Variants in ZNF682 observed in about 807,000 individuals in gnomAD.
The protein encoded by ZNF682 is zinc finger protein 682.
In ZNF682, 29 loss-of-function variants were observed where a neutral mutation model predicts 36.5. The observed-to-expected ratio is 0.80, with a 90% confidence interval of 0.59 to 1.08. The LOEUF (loss-of-function observed/expected upper bound fraction) is 1.08. ZNF682 is among the 50% of genes least tolerant of loss of function. The pLI is 0.00. For synonymous variants in ZNF682, 180 were observed against 197.0 expected, an observed-to-expected ratio of 0.91 and a Z score of 0.72; for missense variants, 561 against 579.7, an observed-to-expected ratio of 0.97 and a Z score of 0.33.
In ZNF682 at chr19:20,039,450, G is replaced by A; in HGVS notation, c.-105C>T. On this transcript the variant is annotated 5_prime_UTR_variant, in exon 1 of 4. Coordinates refer to ENST00000397165, the MANE Select transcript of ZNF682 (RefSeq NM_033196.3). ...ACAGTCACCGGGAACTACTAGAGCA[G>A]AGGATACTAAGCAATGAAGATGGAC... is the stretch of plus-strand genomic sequence containing the variant. The A allele has an allele frequency of 6.7e-7, 1 of 1,493,376 alleles. No homozygotes were observed. Among genetic ancestry groups the A allele is most frequent in the African/African-American group, 1.4e-5 (1 of 72,854 alleles). 92.5% of individuals were successfully genotyped at this position (1,493,376 alleles called of 1,614,324 possible). A position where few individuals can be genotyped will look rare whatever the true frequency, so the allele number is the denominator to read the frequency against.
chr19:20,028,436 T>C (rs1156256163), intron 1 of ZNF682, among the ~76,000 whole-genome samples: 1 of 152,154 alleles, frequency 6.6e-6, no homozygotes, highest in Admixed American at 6.5e-5. Flanking sequence ...GGTCTTGAAC[T>C]CCTGACCTCA....
At chr19:20,031,800 G>A (rs895928002) in intron 1 of ZNF682, among the ~76,000 whole-genome samples, 2 of 152,114 alleles carry the variant, frequency 1.3e-5, no homozygotes, top group Non-Finnish European at 2.9e-5. Context: ...AAATTAGCCA[G>A]GCGAGGTGGC....
intron 3 of ZNF682, among the ~76,000 whole-genome samples, chr19:20,020,914 G>A (rs1231857606): frequency 1.3e-5 from 2 of 151,924 alleles, no homozygotes; most frequent in African/African-American, 2.4e-5. Flanking sequence ...TCGAAGTGGG[G>A]AAAATGGGAA....
intron 3 of ZNF682, among the ~76,000 whole-genome samples, chr19:20,010,916 G>A (rs920823406): frequency 6.6e-6 from 1 of 151,930 alleles, no homozygotes; most frequent in African/African-American, 2.4e-5. Flanking sequence ...AGTAAGCCGA[G>A]ATCGTGCCAC....
downstream of ZNF682, among the ~76,000 whole-genome samples, chr19:19,999,940 C>T (rs1474658583): frequency 6.6e-6 from 1 of 152,162 alleles, no homozygotes; most frequent in African/African-American, 2.4e-5. Flanking sequence ...TGGGGAAGCC[C>T]GAAAATAGAC....
At chr19:20,034,894 C>T (rs929994935) in intron 1 of ZNF682, among the ~76,000 whole-genome samples, 1 of 152,106 alleles carries the variant, frequency 6.6e-6, no homozygotes, top group African/African-American at 2.4e-5. Flanking sequence ...GTCCAAAGTT[C>T]GAGACCAGCC....
chr19:20,022,864 C>T (rs2088398101), intron 3 of ZNF682, 140 bp downstream of exon 3: 1 of 740,498 alleles, frequency 1.4e-6, no homozygotes, highest in East Asian at 2.5e-5. Context: ...TGCCTCTGTA[C>T]AAGAGCAAGA....
At chr19:20,010,721 C>T (rs901047474) in intron 3 of ZNF682, among the ~76,000 whole-genome samples, 2 of 152,012 alleles carry the variant, frequency 1.3e-5, no homozygotes, top group Admixed American at 1.3e-4. Context: ...AATCCTAGCA[C>T]TTTGGGAGAC....
At chr19:20,039,119 G>A (rs1343269764) in intron 1 of ZNF682, 3 of 1,390,240 alleles carry the variant, frequency 2.2e-6, no homozygotes, top group Non-Finnish European at 2.8e-6. Context: ...GCTCCGGGCG[G>A]GAAGCGGGAG....
chr19:20,031,426 C>A (rs959088955), intron 1 of ZNF682, among the ~76,000 whole-genome samples: 1 of 152,192 alleles, frequency 6.6e-6, no homozygotes, highest in South Asian at 2.1e-4. Context: ...AAGGGTGGGG[C>A]TCTAAAATGT....
At chr19:20,019,873 A>C (rs1568542658) in intron 3 of ZNF682, among the ~76,000 whole-genome samples, 1 of 152,114 alleles carries the variant, frequency 6.6e-6, no homozygotes, top group African/African-American at 2.4e-5. Flanking sequence ...CATGCAATCT[A>C]TCTGTGTAAC....
Position 20,007,113 on chromosome 19 carries a change from T to C in ZNF682, c.389A>G (p.Tyr130Cys). ...TGACAAACATTGGTTAAGTCCATTA[T>C]AAATTTCTTTTTGATCCTTACACTC... is the stretch of plus-strand genomic sequence containing the variant. Reference protein sequence around the residue: ...VGECKDQKEIYNGLNQCLSTL... With the variant: ...VGECKDQKEICNGLNQCLSTL... Residue 130 changes from tyrosine to cysteine, a missense_variant, in exon 4 of 4, where the codon TAT (tyrosine) becomes TGT (cysteine). Transcript: ENST00000397165. 1.2e-6 allele frequency: 2 copies of C among 1,613,598 alleles called. No individual in the cohort carries two copies. The highest frequency in any genetic ancestry group is 1.7e-6 in the Non-Finnish European group (2 of 1,180,012).
rs71172554 is a variant in ZNF682 at position 20,018,078 on chromosome 19, C to CTT, written c.226+4924_226+4925dup. Among the ~76,000 whole-genome samples the CTT allele has an allele frequency of 4.8e-3, 280 of 58,688 alleles. 36 individuals are homozygous for CTT. Among genetic ancestry groups the CTT allele is most frequent in the East Asian group, 0.011 (18 of 1,598 alleles). The allele number at this position is 58,688 out of a possible 152,430, so 38.5% of individuals were successfully genotyped here. A position where few individuals can be genotyped will look rare whatever the true frequency, so the allele number is the denominator to read the frequency against. On this transcript the variant is annotated intron_variant, in intron 3 of 3. Coordinates refer to ENST00000397165, the MANE Select transcript of ZNF682 (RefSeq NM_033196.3). ...GAAATATAGTTAAGATTCTCAAATT[C>CTT]TTTTTTTTTTTTTTTTTTTTTTTTT...
intron 3 of ZNF682, among the ~76,000 whole-genome samples, chr19:20,017,244 A>T (rs1192671294): frequency 6.6e-6 from 1 of 152,214 alleles, no homozygotes; most frequent in East Asian, 1.9e-4. Context: ...AAATATGAAC[A>T]GATTGAACCC....
At chr19:20,028,213 G>GGTTTGTTT (rs61022181) in intron 1 of ZNF682, among the ~76,000 whole-genome samples, 1,831 of 151,498 alleles carry the variant, frequency 0.012, 18 homozygotes, top group South Asian at 0.033. Context: ...TGATTCTGCA[G>GGTTTGTTT]GTTTGTTTGT....
Position 20,006,650 on chromosome 19 carries a change from G to A in ZNF682, c.852C>T (p.Pro284=), listed in dbSNP as rs371152996. Residue 284 remains proline, a synonymous_variant, in exon 4 of 4, where the codon CCC becomes CCT. Coordinates refer to ENST00000397165, the MANE Select transcript of ZNF682 (RefSeq NM_033196.3). ...CTCTGCCACAGTCTTCACATGTATA[G>A]GGTTTTTCTCCTGTATGAATTTTCT... ...RHKKIHTGEK[P]YTCEDCGRAF... The A allele has an allele frequency of 2.2e-5, 36 of 1,613,922 alleles. No individual in the cohort carries two copies. In the African/African-American group the frequency reaches 4.8e-4, roughly 22 times the overall value.
intron 1 of ZNF682, among the ~76,000 whole-genome samples, chr19:20,028,539 G>A (rs1393696055): frequency 6.6e-6 from 1 of 152,142 alleles, no homozygotes; most frequent in East Asian, 1.9e-4. Context: ...AGGAGTCCAC[G>A]GATTGGCTTC....
chr19:20,001,977 G>A (rs946400993), downstream of ZNF682, among the ~76,000 whole-genome samples: 1 of 152,150 alleles, frequency 6.6e-6, no homozygotes, highest in African/African-American at 2.4e-5. Flanking sequence ...CATGGGGTCA[G>A]TACAAAAAAG....
Position 20,014,586 on chromosome 19 carries a change from A to G in ZNF682, c.227-7311T>C, listed in dbSNP as rs549571780. 5.1e-3 allele frequency among the ~76,000 whole-genome samples: 766 copies of G among 150,336 alleles called. 7 individuals are homozygous for G. The highest frequency in any genetic ancestry group is 0.018 in the African/African-American group (726 of 40,660). On this transcript the variant is annotated intron_variant, in intron 3 of 3. Coordinates refer to ENST00000397165, the MANE Select transcript of ZNF682 (RefSeq NM_033196.3). ...GGAGATCCAGACCATCCTGGCCAAC[A>G]TGGTGAAACCTCGTCTCTACTAGAA...
Sources: allele counts gnomAD v4.1 joint callset (sites outside exome capture counted in the v4.1 genomes callset), GRCh38; gene constraint gnomAD v4.1.1; transcripts MANE v1.5; gene names NCBI Gene and HGNC (gene_info 2026-07-23, HGNC 2026-07-21).